The following DRC2 variants were observed in gnomAD, a reference collection of about 807,000 sequenced individuals.
The protein encoded by DRC2 is dynein regulatory complex subunit 2.
the DRC2 span, chr12:48,918,989 G>A: frequency 3.2e-6 from 3 of 949,462 alleles, no homozygotes; most frequent in Middle Eastern, 2.5e-4. Context: ...GATAGCGGGG[G>A]CTTCTTCCTG....
the DRC2 span, among the ~76,000 whole-genome samples, chr12:48,909,849 C>T: frequency 6.7e-6 from 1 of 148,886 alleles, no homozygotes; most frequent in Non-Finnish European, 1.5e-5. Context: ...GGTGCAATCT[C>T]TGCTCACTGC....
the DRC2 span, among the ~76,000 whole-genome samples, chr12:48,915,162 G>C: frequency 6.7e-6 from 1 of 149,638 alleles, no homozygotes; most frequent in Non-Finnish European, 1.5e-5. Flanking sequence ...CTCACAGAGG[G>C]GGATTTGGCA....
At chr12:48,905,084 G>C in the DRC2 span, 1 of 1,612,770 alleles carries the variant, frequency 6.2e-7, no homozygotes, top group Non-Finnish European at 8.5e-7. Flanking sequence ...ATTTGAACGA[G>C]TGGTGGACTG....
the DRC2 span, chr12:48,918,570 G>C: frequency 1.3e-6 from 2 of 1,491,374 alleles, no homozygotes; most frequent in Admixed American, 3.8e-5. Flanking sequence ...ACTGATCATT[G>C]GTTGGGAAAA....
the DRC2 span, among the ~76,000 whole-genome samples, chr12:48,916,174 C>T: frequency 0.3 from 43,904 of 144,658 alleles, 6,768 homozygotes; most frequent in Admixed American, 0.44. Context: ...CAGGCAGAGA[C>T]GCTCCTCACT....
At chr12:48,917,447 G>C in the DRC2 span, among the ~76,000 whole-genome samples, 1 of 152,044 alleles carries the variant, frequency 6.6e-6, no homozygotes, top group African/African-American at 2.4e-5. Flanking sequence ...CTGGGTGACA[G>C]AGCGAGACCC....
At chr12:48,918,928 G>C in the DRC2 span, 7 of 1,589,320 alleles carry the variant, frequency 4.4e-6, no homozygotes, top group African/African-American at 9.4e-5. Flanking sequence ...AGGACTATCA[G>C]AATAAAGTCA....
At chr12:48,909,531 G>A in the DRC2 span, among the ~76,000 whole-genome samples, 1 of 152,084 alleles carries the variant, frequency 6.6e-6, no homozygotes, top group Non-Finnish European at 1.5e-5. Context: ...AGGCTGGAGT[G>A]CAGTGGAGCG....
chr12:48,904,586 GATATACTTA>G, the DRC2 span: 4 of 1,366,044 alleles, frequency 2.9e-6, no homozygotes, highest in Admixed American at 9.4e-5. Context: ...CTGAGACCCA[GATATACTTA>G]GATTTCAGGC....
the DRC2 span, among the ~76,000 whole-genome samples, chr12:48,919,738 G>C: frequency 4.6e-5 from 7 of 151,618 alleles, no homozygotes; most frequent in African/African-American, 7.3e-5. Flanking sequence ...GGACGTTCTC[G>C]AACTCCTGAC....
chr12:48,914,699 C>A, the DRC2 span: 1 of 816,106 alleles, frequency 1.2e-6, no homozygotes, highest in African/African-American at 1.7e-5. Context: ...CACGGGACCC[C>A]CAGCAGAGAA....
At chr12:48,907,446 C>T in the DRC2 span, among the ~76,000 whole-genome samples, 1 of 152,214 alleles carries the variant, frequency 6.6e-6, no homozygotes, top group Non-Finnish European at 1.5e-5. Flanking sequence ...TCTTCCTACA[C>T]AGCAGCCTTG....
chr12:48,920,398 G>T, the DRC2 span, among the ~76,000 whole-genome samples: 1 of 115,356 alleles, frequency 8.7e-6, no homozygotes, highest in Non-Finnish European at 1.6e-5. Context: ...TCGAGATCGC[G>T]CCACTGCACT....
At chr12:48,914,881 C>T in the DRC2 span, among the ~76,000 whole-genome samples, 3 of 151,160 alleles carry the variant, frequency 2.0e-5, no homozygotes, top group South Asian at 2.1e-4. Context: ...TTTTTCAAGA[C>T]GGAGTGTCGC....
the DRC2 span, among the ~76,000 whole-genome samples, chr12:48,916,004 C>T: frequency 2.6e-3 from 395 of 149,524 alleles, no homozygotes; most frequent in African/African-American, 8.9e-3. Context: ...AGACGATGGG[C>T]GGCCGGGCAG....
At chr12:48,915,538 G>A in the DRC2 span, among the ~76,000 whole-genome samples, 10 of 151,636 alleles carry the variant, frequency 6.6e-5, no homozygotes, top group East Asian at 3.9e-4. Context: ...GCAACCATCC[G>A]ATTTCTCAAT....
At chr12:48,918,396 T>C in the DRC2 span, 2 of 1,614,036 alleles carry the variant, frequency 1.2e-6, no homozygotes, top group Non-Finnish European at 1.7e-6. Flanking sequence ...AAGGCTGCCT[T>C]TGAGACCCTG....
chr12:48,920,450 A>ATT, the DRC2 span, among the ~76,000 whole-genome samples: 3 of 143,618 alleles, frequency 2.1e-5, no homozygotes, highest in Non-Finnish European at 4.6e-5. Context: ...TTAAAAAAAA[A>ATT]AAAAAAAAAA....
the DRC2 span, among the ~76,000 whole-genome samples, chr12:48,913,925 C>CT: frequency 0.015 from 1,441 of 95,978 alleles, 34 homozygotes; most frequent in South Asian, 0.037. Flanking sequence ...CGTGCCCAGT[C>CT]TTTTTTTTTT....
Sources: allele counts gnomAD v4.1 joint callset (sites outside exome capture counted in the v4.1 genomes callset), GRCh38; gene constraint gnomAD v4.1.1; transcripts MANE v1.5; gene names NCBI Gene and HGNC (gene_info 2026-07-23, HGNC 2026-07-21).